CSMD2: variants seen among roughly 807,000 people sequenced by gnomAD.
The protein encoded by CSMD2 is CUB and sushi domain-containing protein 2.
CSMD2 carries 130 observed loss-of-function variants against 398.5 expected under a neutral mutation model. That is an observed-to-expected ratio of 0.33 (90% confidence interval 0.28 to 0.38). The LOEUF (loss-of-function observed/expected upper bound fraction) is 0.38. CSMD2 is among the 10% of genes least tolerant of loss of function. CSMD2 has a pLI of 1.00. For synonymous variants in CSMD2, 1,828 were observed against 1,908.5 expected (o/e 0.96, Z 1.10); for missense variants, 3,829 against 4,764.9 (o/e 0.80, Z 5.78).
intron 2 of CSMD2, among the ~76,000 whole-genome samples, chr1:34,087,982 G>GCCC (rs906317817): frequency 1.3e-4 from 20 of 152,008 alleles, no homozygotes; most frequent in African/African-American, 4.8e-4. Context: ...GGCCCCAGAT[G>GCCC]CCCCCCCGCC....
At chr1:33,622,338 T>G in intron 36 of CSMD2, 67 bp from the exon 37 acceptor site, 2 of 1,153,202 alleles carry the variant, frequency 1.7e-6, no homozygotes, top group Non-Finnish European at 2.6e-6. Context: ...TTCCTCCCCA[T>G]TCCTCTGGAT....
At chr1:33,522,439 T>A (rs1387680350) in intron 67 of CSMD2, among the ~76,000 whole-genome samples, 5 of 152,136 alleles carry the variant, frequency 3.3e-5, no homozygotes, top group African/African-American at 9.7e-5. Flanking sequence ...TGGGCCACGA[T>A]GATTGAAGCT....
At chr1:34,100,230 C>T (rs749687049) in intron 1 of CSMD2, among the ~76,000 whole-genome samples, 6 of 152,110 alleles carry the variant, frequency 3.9e-5, no homozygotes, top group East Asian at 1.9e-4. Context: ...TATGCACATA[C>T]GCAATGCAAG....
intron 3 of CSMD2, among the ~76,000 whole-genome samples, chr1:34,016,013 C>CTGTGTGTG (rs72213161): frequency 0.014 from 2,123 of 149,070 alleles, 42 homozygotes; most frequent in African/African-American, 0.046. Flanking sequence ...ACTCCTTGCT[C>CTGTGTGTG]TGTGTGTGTG....
Position 33,725,417 on chromosome 1 carries a change from T to C in CSMD2, c.2627A>G (p.Asn876Ser), listed in dbSNP as rs2149205569. Residue 876 changes from asparagine to serine, a missense_variant, in exon 17 of 71, where the codon AAC (asparagine) becomes AGC (serine). Physicochemically the swap from Asn to Ser is conservative, Grantham distance 46. Coordinates refer to ENST00000373381, the MANE Select transcript of CSMD2 (RefSeq NM_001281956.2). The stretch of plus-strand genomic sequence containing the variant: ...GGTAGAGAAGAGGAGGTAGAGGTAG[T>C]TGCTGGTGCTGATGAGGAACTGGGG... The part of the protein sequence containing the change: ...QVPQFLISTS[N>S]YLYLLFSTDK... 1 of 1,614,166 alleles carries C rather than the reference T, an allele frequency of 6.2e-7. No individual in the cohort carries two copies. The highest frequency in any genetic ancestry group is 8.5e-7 in the Non-Finnish European group (1 of 1,180,000).
chr1:33,645,350 C>T (rs991313963), intron 29 of CSMD2, among the ~76,000 whole-genome samples: 11 of 76,576 alleles, frequency 1.4e-4, no homozygotes, highest in Non-Finnish European at 2.7e-4. Context: ...ATTATACACA[C>T]ACACACACAC....
intron 5 of CSMD2, among the ~76,000 whole-genome samples, chr1:33,887,743 T>C (rs1641699394): frequency 6.6e-6 from 1 of 152,104 alleles, no homozygotes; most frequent in African/African-American, 2.4e-5. Flanking sequence ...CACTCCTCTT[T>C]AATATAATAA....
chr1:33,772,518 C>T (rs1651417815), intron 13 of CSMD2, 51 bp downstream of exon 13: 1 of 1,553,200 alleles, frequency 6.4e-7, no homozygotes, highest in Non-Finnish European at 8.8e-7. Flanking sequence ...AGGAAACGGG[C>T]CCCTGCCTCT....
rs951806516 is a variant in CSMD2, at chr1:33,624,987, C to A, written c.5500+64G>T. On this transcript the variant is annotated intron_variant, in intron 34 of 70. Transcript: ENST00000373381. This position sits in a 1 kb window ranked among gnomAD's most constrained non-coding sequence, Gnocchi z 4.7. ...GGGCATCACTGGGGCTGACTGCCTC[C>A]CCTACAGAGAAAGGACTACGTGCCG... 3 of 1,514,146 alleles carry A rather than the reference C, an allele frequency of 2.0e-6. No homozygotes were observed. The African/African-American group carries it at 4.1e-5, about 21-fold the overall frequency. The allele number at this position is 1,514,146 out of a possible 1,614,324, so 93.8% of individuals were successfully genotyped here.
chr1:33,690,186 C>T (rs935898855), intron 25 of CSMD2, among the ~76,000 whole-genome samples: 1 of 152,164 alleles, frequency 6.6e-6, no homozygotes, highest in East Asian at 1.9e-4. Flanking sequence ...GCTTCATCTC[C>T]CATGAATGCC....
intron 5 of CSMD2, among the ~76,000 whole-genome samples, chr1:33,891,310 A>G (rs746627604): frequency 2.6e-5 from 4 of 151,546 alleles, no homozygotes; most frequent in Non-Finnish European, 5.9e-5. Context: ...GCTCACCATC[A>G]CTGGCCATCA....
chr1:33,582,455 C>T (rs1638791542), intron 47 of CSMD2, among the ~76,000 whole-genome samples: 1 of 152,124 alleles, frequency 6.6e-6, no homozygotes, highest in Admixed American at 6.5e-5. Context: ...CAATCCTTTG[C>T]CCAGTTTGCA....
intron 15 of CSMD2, among the ~76,000 whole-genome samples, chr1:33,735,817 T>C (rs1646867526): frequency 1.3e-5 from 2 of 152,070 alleles, no homozygotes; most frequent in African/African-American, 4.8e-5. Context: ...TGGGGACACT[T>C]AATCAAAAAC....
chr1:34,052,215 C>T lies in CSMD2; in HGVS notation c.405-19509G>A, dbSNP rs140408879. Among the ~76,000 whole-genome samples the T allele has an allele frequency of 1.6e-3, 238 of 151,220 alleles. 7 individuals are homozygous for T. The East Asian group carries it at 0.045, about 29-fold the overall frequency. ...CACACATCACACATACACACAGTAG[C>T]GTTCCCCATCTGCAGAGTCAACCAA... On this transcript the variant is annotated intron_variant, in intron 2 of 70. Coordinates refer to ENST00000373381, the MANE Select transcript of CSMD2 (RefSeq NM_001281956.2).
intron 1 of CSMD2, among the ~76,000 whole-genome samples, chr1:34,127,198 G>T (rs1662840229): frequency 6.6e-6 from 1 of 152,124 alleles, no homozygotes; most frequent in Admixed American, 6.5e-5. Context: ...CGACCCCCCA[G>T]GTCCCCATGG....
chr1:33,864,734 A>T, intron 5 of CSMD2: 1 of 1,611,094 alleles, frequency 6.2e-7, no homozygotes, highest in Non-Finnish European at 8.5e-7. Context: ...GCAGAGGGAA[A>T]AGAGTCAGGC....
At chr1:33,516,905 GAAAA>G (rs3043317) in intron 70 of CSMD2, among the ~76,000 whole-genome samples, 2 of 149,822 alleles carry the variant, frequency 1.3e-5, no homozygotes, top group African/African-American at 4.9e-5. Context: ...AAAATCAGAT[GAAAA>G]AAAAAAAATG....
At chr1:34,114,863 A>G (rs1243560925) in intron 1 of CSMD2, among the ~76,000 whole-genome samples, 2 of 152,228 alleles carry the variant, frequency 1.3e-5, no homozygotes, top group Non-Finnish European at 2.9e-5. Flanking sequence ...CAGGAAAATG[A>G]TGCATGAACA....
At chr1:34,151,806 T>TCCCC in intron 1 of CSMD2, among the ~76,000 whole-genome samples, 1 of 103,928 alleles carries the variant, frequency 9.6e-6, no homozygotes, top group Admixed American at 1.0e-4. Context: ...CCTTCCTCCC[T>TCCCC]CCCTCCCTCC....
Sources: gnomAD v4.1 joint callset for allele counts (sites outside exome capture counted in the v4.1 genomes callset) on GRCh38, gnomAD v4.1.1 for gene constraint, Gnocchi (gnomAD v3.1) non-coding constraint, MANE v1.5 for transcripts, NCBI Gene and HGNC (gene_info 2026-07-23, HGNC 2026-07-21) for gene names.